GGA1: variants seen among roughly 807,000 people sequenced by gnomAD.
The protein encoded by GGA1 is ADP-ribosylation factor-binding protein GGA1.
In GGA1, 18 loss-of-function variants were observed where a neutral mutation model predicts 76.9. That is an observed-to-expected ratio of 0.23 (90% CI 0.16 to 0.35). The LOEUF is 0.35. Among genes scored for constraint, GGA1 ranks in the 10% least tolerant of loss-of-function variants. The pLI is 1.00. For synonymous variants in GGA1, 342 were observed against 354.7 expected (o/e 0.96, Z 0.40); for missense variants, 755 against 859.0 (o/e 0.88, Z 1.51).
chr22:37,619,911 C>A (rs1929569225), intron 4 of GGA1: 5 of 701,980 alleles, frequency 7.1e-6, no homozygotes, highest in South Asian at 6.1e-5. Flanking sequence ...AGCCTGGAGA[C>A]CTCTGGCTCC....
chr22:37,621,808 G>C, intron 7 of GGA1, 112 bp downstream of exon 7: 2 of 666,676 alleles, frequency 3.0e-6, no homozygotes. Flanking sequence ...AGTGACCCGG[G>C]CTGGCACAGC....
At chr22:37,614,106 C>A in intron 1 of GGA1, 84 bp from the exon 2 acceptor site, 1 of 946,324 alleles carries the variant, frequency 1.1e-6, no homozygotes, top group Non-Finnish European at 1.7e-6. Context: ...TCTCCCACTC[C>A]TGACCACACC....
chr22:37,631,000 C>T lies in GGA1; in HGVS notation c.1429C>T (p.His477Tyr). 1 of 1,613,592 alleles carries T rather than the reference C, an allele frequency of 6.2e-7. No homozygotes were observed. The highest frequency in any genetic ancestry group is 8.5e-7 in the Non-Finnish European group (1 of 1,179,790). Reference sequence around the variant, plus strand: ...CAGCTCCAGCGCCACCAGCCTTCTCCACACCGTGTCCCCAGAGCCCCCCAG... The same window carrying T: ...CAGCTCCAGCGCCACCAGCCTTCTCTACACCGTGTCCCCAGAGCCCCCCAG... ...SPSSSATSLLHTVSPEPPRPP... is the reference protein window; with the variant it reads ...SPSSSATSLLYTVSPEPPRPP... Residue 477 changes from histidine to tyrosine, a missense_variant, in exon 14 of 17, where the codon CAC (histidine) becomes TAC (tyrosine). By Grantham distance (83) the His-to-Tyr change is moderately conservative. Coordinates refer to ENST00000343632, the MANE Select transcript of GGA1 (RefSeq NM_013365.5).
intron 13 of GGA1, chr22:37,630,658 C>T (rs1931638203): frequency 1.9e-5 from 10 of 533,054 alleles, no homozygotes; most frequent in South Asian, 1.2e-4. Context: ...CCTCCATCTC[C>T]CAAACTCAAG....
chr22:37,616,802 TC>T lies in GGA1; in HGVS notation c.129-116del, dbSNP rs774057529. 2,119 of 1,283,420 alleles carry T rather than the reference TC, an allele frequency of 1.7e-3. 3 individuals carry two copies. Among genetic ancestry groups the T allele is most frequent in the Non-Finnish European group, 2.0e-3 (1,965 of 978,528 alleles). 79.5% of individuals were successfully genotyped at this position (1,283,420 alleles called of 1,614,324 possible). A position where few individuals can be genotyped will look rare whatever the true frequency, so the allele number is the denominator to read the frequency against. On this transcript the variant is annotated intron_variant, in intron 2 of 16. Coordinates refer to ENST00000343632, the MANE Select transcript of GGA1 (RefSeq NM_013365.5). ...CGGCGGCGGGCTGGGGTGGTGACCC[TC>T]CCCTAGGGCGACCAGGGCCCCTTGG... is the stretch of plus-strand genomic sequence containing the variant.
chr22:37,616,030 G>A (rs1928726943), intron 2 of GGA1, among the ~76,000 whole-genome samples: 1 of 151,958 alleles, frequency 6.6e-6, no homozygotes, highest in African/African-American at 2.4e-5. Context: ...TTTTAGTAGA[G>A]ACAGGGTTTC....
chr22:37,632,301 TGAGCCCCAG>T lies in GGA1; in HGVS notation c.1699-101_1699-93del. ...TTGGTGTAGAAGGGACCAGAAGGAC[TGAGCCCCAG>T]GATCCCCGGAGGGGAGCTGGCAGGC... On this transcript the variant is annotated intron_variant, in intron 15 of 16. Coordinates refer to ENST00000343632, the MANE Select transcript of GGA1 (RefSeq NM_013365.5). This position sits in a 1 kb window ranked among gnomAD's most constrained non-coding sequence, Gnocchi z 5.1. 7.7e-7 allele frequency: 1 copy of T among 1,295,940 alleles called. No individual in the cohort carries two copies. Among genetic ancestry groups the T allele is most frequent in the Non-Finnish European group, 1.1e-6 (1 of 906,106 alleles). The allele number at this position is 1,295,940 out of a possible 1,614,324, so 80.3% of individuals were successfully genotyped here.
intron 1 of GGA1, chr22:37,612,805 C>T (rs971332384): frequency 1.9e-5 from 10 of 532,156 alleles, no homozygotes; most frequent in Non-Finnish European, 2.2e-5. Context: ...TTCATTCCAG[C>T]TTTACAAGAT....
In GGA1 at chr22:37,632,739, C is replaced by A; in HGVS notation, c.*28C>A. The stretch of plus-strand genomic sequence containing the variant: ...CAGAGGGGCTGGGGAGAGGAAGGGG[C>A]AGAGGGACCGGTCACTGTCCAGCCT... On this transcript the variant is annotated 3_prime_UTR_variant, in exon 17 of 17. Transcript: ENST00000343632. The surrounding 1 kb of genome is among the most constrained non-coding windows in gnomAD (Gnocchi z 5.1). The A allele has an allele frequency of 1.5e-6, 2 of 1,323,140 alleles. No individual in the cohort carries two copies. The highest frequency in any genetic ancestry group is 2.1e-6 in the Non-Finnish European group (2 of 932,164). The allele number at this position is 1,323,140 out of a possible 1,614,324, so 82.0% of individuals were successfully genotyped here.
At chr22:37,619,054 C>A (rs1929347420) in intron 4 of GGA1, among the ~76,000 whole-genome samples, 1 of 152,118 alleles carries the variant, frequency 6.6e-6, no homozygotes, top group African/African-American at 2.4e-5. Context: ...TTCCCACAGA[C>A]CATGAACGTT....
At position 37,624,952 on chromosome 22, in the gene GGA1, C is replaced by T; in HGVS notation, c.833-17C>T. 1 of 1,565,278 alleles carries T rather than the reference C, an allele frequency of 6.4e-7. No homozygotes were observed. The highest frequency in any genetic ancestry group is 1.2e-5 in the South Asian group (1 of 85,354). ...CACAGTCCTTCAGCCTGGCCTCTCC[C>T]CTCCTGCCTGTTCCAGCGGAGATCC... On this transcript the variant is annotated splice_polypyrimidine_tract_variant and intron_variant, in intron 9 of 16. Coordinates refer to ENST00000343632, the MANE Select transcript of GGA1 (RefSeq NM_013365.5). This position sits in a 1 kb window ranked among gnomAD's most constrained non-coding sequence, Gnocchi z 4.3.
Position 37,625,294 on chromosome 22 carries a change from T to C in GGA1, c.940+218T>C, listed in dbSNP as rs8141424. On this transcript the variant is annotated intron_variant, in intron 10 of 16. Transcript: ENST00000343632. This position sits in a 1 kb window ranked among gnomAD's most constrained non-coding sequence, Gnocchi z 4.1. ...TCTGGTGGGGGAGCTGAGGGTTTGG[T>C]GAGGACAGGCAGAAGAAGGAAGGCA... Among the ~76,000 whole-genome samples the C allele has an allele frequency of 0.036, 5,495 of 151,830 alleles. 322 individuals carry two copies. The highest frequency in any genetic ancestry group is 0.12 in the African/African-American group (5,161 of 41,344).
At chr22:37,617,149 G>A in intron 3 of GGA1, 152 bp downstream of exon 3, 1 of 1,481,622 alleles carries the variant, frequency 6.7e-7, no homozygotes, top group Non-Finnish European at 8.9e-7. Context: ...TGCCCCAAGG[G>A]TCCCACCACA....
rs8140827 is a variant in GGA1, at chr22:37,625,404, G to T, written c.940+328G>T. Among the ~76,000 whole-genome samples the T allele has an allele frequency of 0.036, 5,483 of 152,142 alleles. 319 individuals are homozygous for T. Among genetic ancestry groups the T allele is most frequent in the African/African-American group, 0.12 (5,153 of 41,472 alleles). Reference sequence around the variant, plus strand: ...TTATGTATCAGAAAATGCGAGGGGGGTTAGAAAAGTAAACATTACAGACTC... The same window carrying T: ...TTATGTATCAGAAAATGCGAGGGGGTTTAGAAAAGTAAACATTACAGACTC... On this transcript the variant is annotated intron_variant, in intron 10 of 16. Transcript: ENST00000343632. This position sits in a 1 kb window ranked among gnomAD's most constrained non-coding sequence, Gnocchi z 4.1.
At chr22:37,609,683 C>G (rs781354192) in intron 1 of GGA1, among the ~76,000 whole-genome samples, 2 of 152,166 alleles carry the variant, frequency 1.3e-5, no homozygotes, top group Non-Finnish European at 2.9e-5. Context: ...CACCTGAGCT[C>G]CTTAACCCAC....
intron 7 of GGA1, 151 bp downstream of exon 7, chr22:37,621,847 G>A (rs1489396996): frequency 1.9e-6 from 1 of 531,254 alleles, no homozygotes; most frequent in Non-Finnish European, 3.3e-6. Context: ...GGACCAGGGT[G>A]TGCAGGGAAG....
chr22:37,625,762 C>A lies in GGA1; in HGVS notation c.941-35C>A. 2 of 1,523,998 alleles carry A rather than the reference C, an allele frequency of 1.3e-6. No individual in the cohort carries two copies. The highest frequency in any genetic ancestry group is 1.8e-6 in the Non-Finnish European group (2 of 1,126,392). The allele number at this position is 1,523,998 out of a possible 1,614,324, so 94.4% of individuals were successfully genotyped here. Reference sequence around the variant, plus strand: ...GTGGACTCTGAGAGACACGTGTACACCCAGGACTTGCCAGCCTCTTCTTTC... The same window carrying A: ...GTGGACTCTGAGAGACACGTGTACAACCAGGACTTGCCAGCCTCTTCTTTC... On this transcript the variant is annotated intron_variant, in intron 10 of 16. Coordinates refer to ENST00000343632, the MANE Select transcript of GGA1 (RefSeq NM_013365.5). The surrounding 1 kb of genome is among the most constrained non-coding windows in gnomAD (Gnocchi z 4.1).
rs547159987 is a variant in GGA1 at position 37,626,058 on chromosome 22, T to G, written c.1093+109T>G. 4 of 806,248 alleles carry G rather than the reference T, an allele frequency of 5.0e-6. No homozygotes were observed. In the East Asian group the frequency reaches 8.4e-5, roughly 17 times the overall value. The allele number at this position is 806,248 out of a possible 1,614,324, so 49.9% of individuals were successfully genotyped here. A position where few individuals can be genotyped will look rare whatever the true frequency, so the allele number is the denominator to read the frequency against. ...CCACGTACCCCAGGTGTGGATCCTG[T>G]GGGGCACGTGGATGAGCATTAGGCC... On this transcript the variant is annotated intron_variant, in intron 11 of 16. Coordinates refer to ENST00000343632, the MANE Select transcript of GGA1 (RefSeq NM_013365.5).
intron 2 of GGA1, among the ~76,000 whole-genome samples, chr22:37,616,275 G>A (rs1928775982): frequency 6.6e-6 from 1 of 152,176 alleles, no homozygotes; most frequent in South Asian, 2.1e-4. Context: ...AACCTTGGGT[G>A]AGTGGTTGCC....
Sources: gnomAD v4.1 joint callset for allele counts (sites outside exome capture counted in the v4.1 genomes callset) on GRCh38, gnomAD v4.1.1 for gene constraint, Gnocchi (gnomAD v3.1) non-coding constraint, MANE v1.5 for transcripts, NCBI Gene and HGNC (gene_info 2026-07-23, HGNC 2026-07-21) for gene names.